Variants in PEX14 observed in about 807,000 individuals in gnomAD.
PEX14 encodes the protein peroxisomal biogenesis factor 14.
Under a neutral mutation model 49.5 loss-of-function variants are expected in PEX14, and 15 were observed. That is an observed-to-expected ratio of 0.30 (90% CI 0.20 to 0.47). PEX14 has a LOEUF of 0.47. Ranked by LOEUF, PEX14 falls within the 20% of genes least tolerant of loss-of-function variation. The pLI is 1.00. For synonymous variants in PEX14, 210 were observed against 212.7 expected (o/e 0.99, Z 0.11); for missense variants, 398 against 494.8 (o/e 0.80, Z 1.86).
At chr1:10,511,937 T>C (rs1353036151) in intron 2 of PEX14, among the ~76,000 whole-genome samples, 1 of 152,204 alleles carries the variant, frequency 6.6e-6, no homozygotes, top group Non-Finnish European at 1.5e-5. Flanking sequence ...CTCAGTCTTA[T>C]GGCTTAGGTG....
chr1:10,539,968 T>C lies in PEX14; in HGVS notation c.169+3671T>C, dbSNP rs1171124033. Among the ~76,000 whole-genome samples the C allele has an allele frequency of 1.3e-5, 2 of 152,170 alleles. No homozygotes were observed. The highest frequency in any genetic ancestry group is 4.1e-4 in the South Asian group (2 of 4,820). ...TATTTTTCTGTATAACCCTGCATAGTGGGGCCTGGGTGCTGTTGGCTCACA... is the reference window on the plus strand; with the variant it reads ...TATTTTTCTGTATAACCCTGCATAGCGGGGCCTGGGTGCTGTTGGCTCACA... On this transcript the variant is annotated intron_variant, in intron 3 of 8. Coordinates refer to ENST00000356607, the MANE Select transcript of PEX14 (RefSeq NM_004565.3). This position sits in a 1 kb window ranked among gnomAD's most constrained non-coding sequence, Gnocchi z 4.6.
chr1:10,573,396 G>A (rs6687622), intron 3 of PEX14, among the ~76,000 whole-genome samples: 93,528 of 151,968 alleles, frequency 0.62, 30,032 homozygotes, highest in Admixed American at 0.7. Flanking sequence ...AGACTGGGCA[G>A]CATAGTAAGA....
At chr1:10,557,321 C>T (rs1570262636) in intron 3 of PEX14, among the ~76,000 whole-genome samples, 1 of 152,300 alleles carries the variant, frequency 6.6e-6, no homozygotes, top group Non-Finnish European at 1.5e-5. Context: ...TGCAATGGCT[C>T]ACGCCTGTAA....
chr1:10,508,494 G>T (rs1490850075), intron 2 of PEX14, among the ~76,000 whole-genome samples: 2 of 152,134 alleles, frequency 1.3e-5, no homozygotes, highest in Non-Finnish European at 2.9e-5. Context: ...CCCGGCCTTG[G>T]ATGTGCCAGA....
chr1:10,549,437 G>T (rs1022774936), intron 3 of PEX14, among the ~76,000 whole-genome samples: 1 of 152,192 alleles, frequency 6.6e-6, no homozygotes, highest in Non-Finnish European at 1.5e-5. Flanking sequence ...AAAAATCGGT[G>T]TAACTTTTAC....
chr1:10,592,247 T>C (rs1640689338), intron 3 of PEX14, among the ~76,000 whole-genome samples: 1 of 152,224 alleles, frequency 6.6e-6, no homozygotes, highest in Non-Finnish European at 1.5e-5. Flanking sequence ...CCCTAGGACT[T>C]ACTCAGTATA....
chr1:10,549,436 T>C (rs1248521729), intron 3 of PEX14, among the ~76,000 whole-genome samples: 1 of 152,202 alleles, frequency 6.6e-6, no homozygotes, highest in African/African-American at 2.4e-5. Context: ...GAAAAATCGG[T>C]GTAACTTTTA....
At chr1:10,575,986 ATC>A (rs1380759760) in intron 3 of PEX14, among the ~76,000 whole-genome samples, 2 of 152,204 alleles carry the variant, frequency 1.3e-5, no homozygotes, top group East Asian at 3.8e-4. Flanking sequence ...TTTCATTTGC[ATC>A]TGTTTGATTA....
At chr1:10,542,066 T>C (rs1366515547) in intron 3 of PEX14, among the ~76,000 whole-genome samples, 2 of 136,632 alleles carry the variant, frequency 1.5e-5, no homozygotes, top group East Asian at 4.3e-4. Context: ...CAAAATGACA[T>C]TGGCATGTAT....
chr1:10,614,196 C>T (rs1183984124), intron 4 of PEX14, among the ~76,000 whole-genome samples: 1 of 152,242 alleles, frequency 6.6e-6, no homozygotes, highest in African/African-American at 2.4e-5. Context: ...TAGGAGTCAT[C>T]TCTATCCGAG....
intron 2 of PEX14, among the ~76,000 whole-genome samples, chr1:10,507,724 C>T (rs891623184): frequency 4.6e-5 from 7 of 152,160 alleles, no homozygotes; most frequent in African/African-American, 1.7e-4. Flanking sequence ...TGCAGGTCTC[C>T]AGGGAGTCAC....
chr1:10,603,955 G>A (rs1641058086), intron 4 of PEX14, among the ~76,000 whole-genome samples: 1 of 152,234 alleles, frequency 6.6e-6, no homozygotes, highest in Non-Finnish European at 1.5e-5. Context: ...CTGAGAGAGA[G>A]TGAGTTATTC....
At chr1:10,537,866 G>T (rs1382545909) in intron 3 of PEX14, among the ~76,000 whole-genome samples, 2 of 152,092 alleles carry the variant, frequency 1.3e-5, no homozygotes, top group African/African-American at 4.8e-5. Context: ...AAAAAAGAGA[G>T]AGAGAAACTC....
intron 2 of PEX14, among the ~76,000 whole-genome samples, chr1:10,500,900 C>T (rs1641665853): frequency 6.6e-6 from 1 of 152,156 alleles, no homozygotes; most frequent in Non-Finnish European, 1.5e-5. Context: ...TGAAGAATGA[C>T]ATTAACATGT....
chr1:10,559,558 G>A (rs961601323), intron 3 of PEX14, among the ~76,000 whole-genome samples: 2 of 152,196 alleles, frequency 1.3e-5, no homozygotes, highest in African/African-American at 4.8e-5. Context: ...AGAGGATGGT[G>A]CGGGGGCTGG....
chr1:10,565,119 G>A (rs1240851620), intron 3 of PEX14, among the ~76,000 whole-genome samples: 2 of 152,120 alleles, frequency 1.3e-5, no homozygotes, highest in Non-Finnish European at 2.9e-5. Flanking sequence ...GGCCAGGCTG[G>A]TCTCGAACTC....
chr1:10,488,722 C>A (rs980770590), intron 1 of PEX14, among the ~76,000 whole-genome samples: 3 of 151,754 alleles, frequency 2.0e-5, no homozygotes, highest in Non-Finnish European at 2.9e-5. Context: ...CCAGGATGGT[C>A]TCGATCTCCT....
intron 7 of PEX14, 34 bp from the exon 8 acceptor site, chr1:10,627,218 CCCCGCCCGTGCCGCAAGGCG>C (rs1641774122): frequency 2.4e-6 from 3 of 1,233,604 alleles, no homozygotes; most frequent in South Asian, 2.4e-5. Context: ...CAGCCGCAGG[CCCCGCCCGTGCCGCAAGGCG>C]CCCGCCCTGA....
intron 4 of PEX14, among the ~76,000 whole-genome samples, chr1:10,602,823 C>A (rs560385372): frequency 2.0e-5 from 3 of 152,160 alleles, no homozygotes; most frequent in African/African-American, 4.8e-5. Flanking sequence ...TTGTCTGCGT[C>A]GGGAGGGATT....
Sources: gnomAD v4.1 joint callset for allele counts (sites outside exome capture counted in the v4.1 genomes callset) on GRCh38, gnomAD v4.1.1 for gene constraint, Gnocchi (gnomAD v3.1) non-coding constraint, MANE v1.5 for transcripts, NCBI Gene and HGNC (gene_info 2026-07-23, HGNC 2026-07-21) for gene names.